DEPDC1B: variants seen among roughly 807,000 people sequenced by gnomAD.
The protein encoded by DEPDC1B is DEP domain-containing protein 1B.
A neutral mutation model predicts 66.5 loss-of-function variants in DEPDC1B; 51 were observed. The observed-to-expected ratio is 0.77, with a 90% CI of 0.61 to 0.97. The LOEUF (loss-of-function observed/expected upper bound fraction) is 0.97. Among genes scored for constraint, DEPDC1B ranks in the 50% least tolerant of loss-of-function variants. DEPDC1B has a pLI of 0.00. For synonymous variants in DEPDC1B, 226 were observed against 223.6 expected (o/e 1.01, Z -0.10); for missense variants, 552 against 637.1 (o/e 0.87, Z 1.44).
Position 60,597,752 on chromosome 5 carries a change from AT to A in DEPDC1B, c.1590del (p.Ter530TyrfsTer18). ...PFQRTRSFRM[*>X] The stretch of plus-strand genomic sequence containing the variant: ...TAGCACCTGTTGCTGTGGAAGTATT[AT>A]TACATTCGAAAACTTCTAGTTCTTT... On this transcript the variant is annotated frameshift_variant and stop_lost, in exon 11 of 11. Coordinates refer to ENST00000265036, the MANE Select transcript of DEPDC1B (RefSeq NM_018369.3). LOFTEE classifies it high-confidence loss of function. The A allele has an allele frequency of 6.2e-7, 1 of 1,612,358 alleles. No homozygotes were observed. The highest frequency in any genetic ancestry group is 8.5e-7 in the Non-Finnish European group (1 of 1,179,314).
chr5:60,699,507 G>A (rs1754734652), intron 1 of DEPDC1B, among the ~76,000 whole-genome samples: 1 of 141,952 alleles, frequency 7.0e-6, no homozygotes, highest in Admixed American at 7.2e-5. Flanking sequence ...CATCTGTCCT[G>A]GCCAGCTCTT....
rs565389308 is a variant in DEPDC1B, at chr5:60,671,140, G to T, written c.314+15822C>A. Among the ~76,000 whole-genome samples, 32 of 152,278 alleles carry T rather than the reference G, an allele frequency of 2.1e-4. No individual in the cohort carries two copies. The South Asian group carries it at 6.4e-3, about 31-fold the overall frequency. On this transcript the variant is annotated intron_variant, in intron 2 of 10. Coordinates refer to ENST00000265036, the MANE Select transcript of DEPDC1B (RefSeq NM_018369.3). ...CACACTACCAGGTAAGGCACCCAAG[G>T]CCTGCCAAGGTGATGGCTGACAGTA...
At chr5:60,612,496 T>A (rs1244332498) in intron 7 of DEPDC1B, among the ~76,000 whole-genome samples, 1 of 134,618 alleles carries the variant, frequency 7.4e-6, no homozygotes, top group Non-Finnish European at 1.5e-5. Context: ...CATGGTTTAG[T>A]GAAGATTTTA....
chr5:60,661,836 C>T (rs1241061917), intron 2 of DEPDC1B, among the ~76,000 whole-genome samples: 1 of 152,128 alleles, frequency 6.6e-6, no homozygotes, highest in Admixed American at 6.6e-5. Flanking sequence ...CTCATTGTGA[C>T]ACAGAATCAG....
chr5:60,616,187 G>A (rs543099089), intron 7 of DEPDC1B, among the ~76,000 whole-genome samples: 248 of 152,228 alleles, frequency 1.6e-3, no homozygotes, highest in African/African-American at 5.6e-3. Context: ...CCACAAAGAT[G>A]GGGGAAAAAC....
At chr5:60,604,891 T>C (rs1752279046) in intron 8 of DEPDC1B, among the ~76,000 whole-genome samples, 1 of 152,144 alleles carries the variant, frequency 6.6e-6, no homozygotes, top group African/African-American at 2.4e-5. Flanking sequence ...AATATAGAGA[T>C]CAAGAATCCT....
chr5:60,624,646 A>G (rs1752772708), intron 7 of DEPDC1B, among the ~76,000 whole-genome samples: 1 of 152,222 alleles, frequency 6.6e-6, no homozygotes, highest in South Asian at 2.1e-4. Flanking sequence ...TAGCGTGGTC[A>G]GAAAACTTAG....
chr5:60,624,368 C>T (rs935869150), intron 7 of DEPDC1B, among the ~76,000 whole-genome samples: 6 of 152,040 alleles, frequency 3.9e-5, no homozygotes, highest in Admixed American at 1.3e-4. Flanking sequence ...TATTATTGTC[C>T]TTTTTATCTA....
At position 60,676,468 on chromosome 5, in the gene DEPDC1B, G is replaced by T. The variant is rs995453247; in HGVS notation, c.314+10494C>A. Among the ~76,000 whole-genome samples the T allele has an allele frequency of 3.9e-5, 6 of 151,932 alleles. 1 individual carries two copies. In the East Asian group the frequency reaches 1.2e-3, roughly 29 times the overall value. ...CTACAGGCGCATGGCACTATGCCTC[G>T]CTTTAATAACTTCTCCTTTTGAAAT... On this transcript the variant is annotated intron_variant, in intron 2 of 10. Coordinates refer to ENST00000265036, the MANE Select transcript of DEPDC1B (RefSeq NM_018369.3).
chr5:60,616,635 T>C (rs910058038), intron 7 of DEPDC1B, among the ~76,000 whole-genome samples: 1 of 152,144 alleles, frequency 6.6e-6, no homozygotes, highest in Non-Finnish European at 1.5e-5. Flanking sequence ...TATGGGACTA[T>C]GTGAAAAGAC....
At chr5:60,603,188 C>A (rs1159884138) in intron 9 of DEPDC1B, among the ~76,000 whole-genome samples, 1 of 152,128 alleles carries the variant, frequency 6.6e-6, no homozygotes. Flanking sequence ...TGGATTGATA[C>A]ACAAAACCAA....
At chr5:60,637,875 T>G (rs1052342866) in intron 7 of DEPDC1B, among the ~76,000 whole-genome samples, 5 of 152,238 alleles carry the variant, frequency 3.3e-5, no homozygotes, top group African/African-American at 1.2e-4. Context: ...ATTTACATAT[T>G]GCTGATACTT....
intron 7 of DEPDC1B, among the ~76,000 whole-genome samples, chr5:60,635,064 GAAA>G (rs371444479): frequency 8.6e-6 from 1 of 116,006 alleles, no homozygotes. Context: ...CATCTCAAGA[GAAA>G]AAAAAAAAAA....
At chr5:60,601,066 G>A (rs1401693662) in intron 9 of DEPDC1B, among the ~76,000 whole-genome samples, 2 of 152,170 alleles carry the variant, frequency 1.3e-5, no homozygotes, top group Non-Finnish European at 1.5e-5. Context: ...GCCTCATGAA[G>A]GATGTGTTTG....
intron 2 of DEPDC1B, among the ~76,000 whole-genome samples, chr5:60,678,021 G>A (rs1165327008): frequency 6.6e-6 from 1 of 152,028 alleles, no homozygotes; most frequent in Admixed American, 6.6e-5. Flanking sequence ...AATGACTTAA[G>A]GGCCACCTCC....
chr5:60,612,674 T>C (rs1030046511), intron 7 of DEPDC1B, among the ~76,000 whole-genome samples: 1 of 150,510 alleles, frequency 6.6e-6, no homozygotes, highest in African/African-American at 2.5e-5. Context: ...TGATAGAACA[T>C]TTGATTAGCA....
At chr5:60,689,223 C>A (rs942094453) in intron 1 of DEPDC1B, among the ~76,000 whole-genome samples, 2 of 152,216 alleles carry the variant, frequency 1.3e-5, no homozygotes, top group Admixed American at 6.5e-5. Context: ...CTCATAGCAT[C>A]CTTGAAGACA....
At chr5:60,649,112 T>C (rs1753385050) in intron 2 of DEPDC1B, among the ~76,000 whole-genome samples, 2 of 152,316 alleles carry the variant, frequency 1.3e-5, no homozygotes, top group East Asian at 1.9e-4. Flanking sequence ...CCCTCGACTA[T>C]GGCATAAAAA....
chr5:60,692,342 G>A (rs1484311885), intron 1 of DEPDC1B, among the ~76,000 whole-genome samples: 2 of 152,134 alleles, frequency 1.3e-5, no homozygotes, highest in African/African-American at 4.8e-5. Context: ...ACAAAAAAAT[G>A]TTAAGTATTT....
Sources: gnomAD v4.1 joint callset for allele counts (sites outside exome capture counted in the v4.1 genomes callset) on GRCh38, gnomAD v4.1.1 for gene constraint, MANE v1.5 for transcripts, NCBI Gene and HGNC (gene_info 2026-07-23, HGNC 2026-07-21) for gene names.